Variants in PTGER3 observed in about 807,000 individuals in gnomAD.
PTGER3 encodes prostaglandin E receptor 3, also known as prostaglandin E2 receptor EP3 subtype.
PTGER3 carries 22 observed loss-of-function variants against 34.7 expected under a neutral mutation model. That is an observed-to-expected ratio of 0.63 (90% confidence interval 0.45 to 0.91). The LOEUF is 0.91. Among genes scored for constraint, PTGER3 ranks in the 40% least tolerant of loss-of-function variants. PTGER3 has a pLI of 0.00. For missense variants in PTGER3, 468 were observed against 519.4 expected, an observed-to-expected ratio of 0.90 and a Z score of 0.96; for synonymous variants, 241 against 230.1, an observed-to-expected ratio of 1.05 and a Z score of -0.43.
At chr1:71,008,602 C>A (rs778284004) in intron 2 of PTGER3, 38 of 984,748 alleles carry the variant, frequency 3.9e-5, no homozygotes, top group Non-Finnish European at 4.6e-5. Context: ...CGATCATAAC[C>A]TATGTCATGA....
At position 70,887,796 on chromosome 1, in the gene PTGER3, A is replaced by G. The variant is rs551226922; in HGVS notation, c.*24-34937T>C. Among the ~76,000 whole-genome samples the G allele has an allele frequency of 2.0e-5, 3 of 152,330 alleles. No individual in the cohort carries two copies. The South Asian group carries it at 6.2e-4, about 32-fold the overall frequency. On this transcript the variant is annotated intron_variant, in intron 4 of 4. Coordinates refer to the PTGER3 transcript ENST00000370931. Reference sequence around the variant, plus strand: ...TCTAGCTGGGTGGTTATGCTGTTTCATAATATTCCAAAACTCATATTAAGA... The same window carrying G: ...TCTAGCTGGGTGGTTATGCTGTTTCGTAATATTCCAAAACTCATATTAAGA...
At chr1:70,982,937 A>G (rs1654528135) in intron 2 of PTGER3, among the ~76,000 whole-genome samples, 1 of 152,146 alleles carries the variant, frequency 6.6e-6, no homozygotes, top group Non-Finnish European at 1.5e-5. Context: ...ATAAATACAG[A>G]ACATATACAG....
At chr1:71,016,421 T>C (rs930088579) in intron 1 of PTGER3, among the ~76,000 whole-genome samples, 9 of 152,322 alleles carry the variant, frequency 5.9e-5, no homozygotes, top group African/African-American at 2.2e-4. Context: ...TGTTATATTA[T>C]TTAAAATAGG....
chr1:70,972,077 C>T (rs548510221), intron 3 of PTGER3, among the ~76,000 whole-genome samples: 1 of 152,190 alleles, frequency 6.6e-6, no homozygotes, highest in African/African-American at 2.4e-5. Flanking sequence ...CCTGTAATCC[C>T]AGCATTTTGG....
intron 2 of PTGER3, chr1:71,005,836 G>GAGACAT (rs1656908579): frequency 1.9e-5 from 18 of 955,112 alleles, no homozygotes; most frequent in Non-Finnish European, 2.2e-5. Context: ...AATTTCGGGT[G>GAGACAT]AGCCATAGCC....
intron 4 of PTGER3, among the ~76,000 whole-genome samples, chr1:70,884,377 G>T (rs1646455521): frequency 1.3e-5 from 2 of 152,142 alleles, no homozygotes; most frequent in Admixed American, 1.3e-4. Flanking sequence ...ATTGCCAAAG[G>T]TATTTTCCAG....
At position 71,046,855 on chromosome 1, in the gene PTGER3, C is replaced by T; in HGVS notation, c.723G>A (p.Ala241=). The change falls in exon 1 of 4, where the codon GCG becomes GCA. Residue 241 remains alanine, a synonymous_variant. Transcript: ENST00000306666. The part of the protein sequence containing the change: ...ASAFAFLGLL[A]LTVTFSCNLA... ...GGTTGCAGGAAAAGGTGACTGTCAG[C>T]GCCAAGAGCCCCAGGAAGGCAAAGG... is the stretch of plus-strand genomic sequence containing the variant. The T allele has an allele frequency of 6.2e-7, 1 of 1,614,026 alleles. No individual in the cohort carries two copies. The highest frequency in any genetic ancestry group is 8.5e-7 in the Non-Finnish European group (1 of 1,180,004).
Position 70,873,740 on chromosome 1 carries a change from C to T in PTGER3, c.*24-20881G>A, listed in dbSNP as rs199656908. Among the ~76,000 whole-genome samples, 29 of 151,546 alleles carry T rather than the reference C, an allele frequency of 1.9e-4. No individual in the cohort carries two copies. The East Asian group carries it at 4.1e-3, about 21-fold the overall frequency. On this transcript the variant is annotated intron_variant, in intron 4 of 4. Transcript: ENST00000370931. ...TCGGCTCACTGCAACCTCTGCCTCC[C>T]GAGTTCAAGAGATTCTCCTGCTTCA...
At chr1:70,996,910 C>A (rs1656034318) in intron 2 of PTGER3, among the ~76,000 whole-genome samples, 2 of 152,154 alleles carry the variant, frequency 1.3e-5, no homozygotes, top group Non-Finnish European at 1.5e-5. Context: ...GATCCGCCCG[C>A]CTTGGCCTCC....
chr1:71,020,916 G>A (rs968759280), intron 1 of PTGER3, among the ~76,000 whole-genome samples: 6 of 151,814 alleles, frequency 4.0e-5, no homozygotes, highest in Non-Finnish European at 7.4e-5. Flanking sequence ...ACTGTGTATC[G>A]TCTCCAACTA....
intron 4 of PTGER3, among the ~76,000 whole-genome samples, chr1:70,903,252 C>G (rs1363117615): frequency 6.6e-6 from 1 of 152,126 alleles, no homozygotes; most frequent in Non-Finnish European, 1.5e-5. Flanking sequence ...CCACTGTCAC[C>G]TTAATTTTAG....
At chr1:70,978,276 A>G (rs567779203) in intron 2 of PTGER3, among the ~76,000 whole-genome samples, 10 of 152,266 alleles carry the variant, frequency 6.6e-5, no homozygotes, top group Non-Finnish European at 1.2e-4. Flanking sequence ...GGCTAGATAT[A>G]CCTGTATTGC....
At chr1:71,005,179 C>T (rs1489454102) in intron 2 of PTGER3, among the ~76,000 whole-genome samples, 1 of 152,192 alleles carries the variant, frequency 6.6e-6, no homozygotes, top group African/African-American at 2.4e-5. Context: ...AAAGAATTAC[C>T]TGTCCCATGT....
At chr1:70,952,987 C>T in exon 4 of PTGER3, 10 of 1,613,158 alleles carry the variant, frequency 6.2e-6, no homozygotes, top group South Asian at 1.1e-5. Context: ...CTGTTCAGCA[C>T]ACGATAGGTT....
At chr1:70,861,091 T>G (rs1645917084) in intron 4 of PTGER3, among the ~76,000 whole-genome samples, 1 of 152,114 alleles carries the variant, frequency 6.6e-6, no homozygotes, top group South Asian at 2.1e-4. Flanking sequence ...ACAATTAAGT[T>G]TACTGGGCAC....
intron 4 of PTGER3, among the ~76,000 whole-genome samples, chr1:70,894,251 G>A (rs560345142): frequency 1.6e-3 from 218 of 138,438 alleles, no homozygotes; most frequent in African/African-American, 5.5e-3. Context: ...GGAGGTTGCA[G>A]TGAGCCGAGA....
rs1647179950 is a variant in PTGER3, at chr1:70,916,594, GC to G, written c.*23+37168del. ...ATTTCCTTTGCAGCAACTGTTTGCA[GC>G]TTGAGGTCACAATCCTAAGAGAATT... On this transcript the variant is annotated intron_variant, in intron 4 of 4. Transcript: ENST00000370931. 2.0e-5 allele frequency among the ~76,000 whole-genome samples: 3 copies of G among 151,964 alleles called. No individual in the cohort carries two copies. The South Asian group carries it at 6.2e-4, about 32-fold the overall frequency.
At chr1:70,856,016 G>A (rs1293241223) in intron 4 of PTGER3, among the ~76,000 whole-genome samples, 1 of 151,976 alleles carries the variant, frequency 6.6e-6, no homozygotes, top group Non-Finnish European at 1.5e-5. Context: ...TTGGTAATAT[G>A]GCCTGGATGT....
chr1:70,953,269 G>A (rs1650960327), intron 3 of PTGER3, among the ~76,000 whole-genome samples: 1 of 152,048 alleles, frequency 6.6e-6, no homozygotes, highest in East Asian at 1.9e-4. Flanking sequence ...ATTTATATAA[G>A]GGATTTGAGC....
Sources: allele counts gnomAD v4.1 joint callset (sites outside exome capture counted in the v4.1 genomes callset), GRCh38; gene constraint gnomAD v4.1.1; transcripts MANE v1.5; gene names NCBI Gene and HGNC (gene_info 2026-07-23, HGNC 2026-07-21).